Variants in COL24A1 observed in about 807,000 individuals in gnomAD.
COL24A1 encodes collagen alpha-1(XXIV) chain.
A neutral mutation model predicts 253.9 loss-of-function variants in COL24A1; 224 were observed. The observed-to-expected ratio is 0.88, with a 90% CI of 0.79 to 0.99. The LOEUF (loss-of-function observed/expected upper bound fraction) is 0.99, where lower values mean the gene tolerates loss of function less well. COL24A1 is among the 50% of genes least tolerant of loss of function. The pLI is 0.00. For synonymous variants in COL24A1, 685 were observed against 673.7 expected (o/e 1.02, Z -0.26); for missense variants, 2,131 against 2,068.5 (o/e 1.03, Z -0.59).
intron 12 of COL24A1, among the ~76,000 whole-genome samples, chr1:86,035,061 T>G (rs1351436644): frequency 6.6e-6 from 1 of 152,198 alleles, no homozygotes; most frequent in Non-Finnish European, 1.5e-5. Flanking sequence ...ATGAATAGGT[T>G]AAACTTAAAA....
At position 86,110,032 on chromosome 1, in the gene COL24A1, G is replaced by A. The variant is rs540515874; in HGVS notation, c.1599+2535C>T. Among the ~76,000 whole-genome samples, 6 of 152,206 alleles carry A rather than the reference G, an allele frequency of 3.9e-5. No homozygotes were observed. The South Asian group carries it at 1.2e-3, about 32-fold the overall frequency. ...TGGACTTCCCAGGCTCCAGAACTGT[G>A]TGAACTGTGAGAAATAAATTTCTGT... On this transcript the variant is annotated intron_variant, in intron 5 of 59. Transcript: ENST00000370571.
intron 7 of COL24A1, among the ~76,000 whole-genome samples, chr1:86,078,058 A>ACT (rs1179699279): frequency 1.3e-5 from 2 of 152,080 alleles, no homozygotes; most frequent in African/African-American, 2.4e-5. Flanking sequence ...TCAACAAAAT[A>ACT]CTCACAAACT....
At chr1:85,978,373 C>T (rs1346705284) in intron 20 of COL24A1, among the ~76,000 whole-genome samples, 3 of 151,896 alleles carry the variant, frequency 2.0e-5, no homozygotes, top group African/African-American at 4.8e-5. Context: ...AAAATGGTAC[C>T]TCACATCTCA....
intron 28 of COL24A1, among the ~76,000 whole-genome samples, chr1:85,899,385 A>G (rs779934558): frequency 6.6e-6 from 1 of 152,202 alleles, no homozygotes; most frequent in Non-Finnish European, 1.5e-5. Context: ...TATTTCTTTG[A>G]TATTTTATTA....
At chr1:85,843,207 T>A (rs1017937307) in intron 39 of COL24A1, among the ~76,000 whole-genome samples, 4 of 152,206 alleles carry the variant, frequency 2.6e-5, no homozygotes, top group African/African-American at 9.6e-5. Context: ...ATTTCCCATT[T>A]AATCATAGTG....
chr1:85,858,652 CT>C (rs1678764200), intron 37 of COL24A1, among the ~76,000 whole-genome samples: 1 of 148,872 alleles, frequency 6.7e-6, no homozygotes, highest in Admixed American at 6.8e-5. Context: ...TCCTTCCTTC[CT>C]TCCTTCCTTC....
intron 2 of COL24A1, among the ~76,000 whole-genome samples, chr1:86,134,943 T>C (rs1247864227): frequency 6.6e-6 from 1 of 151,350 alleles, no homozygotes; most frequent in Non-Finnish European, 1.5e-5. Context: ...AATGCTGACA[T>C]TGGGGTGTTA....
In COL24A1 at chr1:85,907,096, A is replaced by C. The variant is rs190349582; in HGVS notation, c.2778+98T>G. The stretch of plus-strand genomic sequence containing the variant: ...AAAAAACCTGACAAGATCTAAGCAG[A>C]ATTCTAGAAGGTATGATGCTATTTT... On this transcript the variant is annotated intron_variant, in intron 28 of 59. Coordinates refer to ENST00000370571, the MANE Select transcript of COL24A1 (RefSeq NM_152890.7). 3.5e-4 allele frequency: 325 copies of C among 916,818 alleles called. No homozygotes were observed. The East Asian group carries it at 6.0e-3, about 17-fold the overall frequency. 56.8% of individuals were successfully genotyped at this position (916,818 alleles called of 1,614,324 possible).
intron 2 of COL24A1, among the ~76,000 whole-genome samples, chr1:86,139,535 T>C (rs1197978262): frequency 6.6e-6 from 1 of 152,206 alleles, no homozygotes; most frequent in Non-Finnish European, 1.5e-5. Context: ...TCTTAGTAAT[T>C]GGTAGTTTAA....
At chr1:85,869,082 A>C (rs765908369) in intron 35 of COL24A1, among the ~76,000 whole-genome samples, 11 of 152,210 alleles carry the variant, frequency 7.2e-5, no homozygotes, top group Non-Finnish European at 1.3e-4. Flanking sequence ...AATATTAATA[A>C]ATTTTAGATA....
intron 28 of COL24A1, among the ~76,000 whole-genome samples, chr1:85,900,593 C>G (rs191254363): frequency 2.0e-5 from 3 of 151,960 alleles, no homozygotes; most frequent in South Asian, 2.1e-4. Context: ...GTGATATGAT[C>G]GCGTCACTGC....
At chr1:85,737,712 G>T (rs906221382) in intron 57 of COL24A1, among the ~76,000 whole-genome samples, 5 of 151,800 alleles carry the variant, frequency 3.3e-5, no homozygotes, top group African/African-American at 1.2e-4. Context: ...TACAGGAATG[G>T]GCCACCACAC....
chr1:85,871,728 A>G (rs1275965104), intron 35 of COL24A1, among the ~76,000 whole-genome samples: 1 of 152,170 alleles, frequency 6.6e-6, no homozygotes, highest in African/African-American at 2.4e-5. Flanking sequence ...TGACAAACCC[A>G]CAGCCAATAT....
intron 19 of COL24A1, among the ~76,000 whole-genome samples, chr1:86,015,449 A>C (rs913971173): frequency 6.6e-5 from 10 of 152,168 alleles, no homozygotes; most frequent in African/African-American, 2.2e-4. Flanking sequence ...TTAGAAGACC[A>C]AGTAGTAAGT....
intron 59 of COL24A1, among the ~76,000 whole-genome samples, chr1:85,731,981 A>G (rs1264746590): frequency 6.6e-6 from 1 of 152,138 alleles, no homozygotes; most frequent in Non-Finnish European, 1.5e-5. Context: ...AAAAAACTAA[A>G]AAACAGAAGG....
At chr1:85,958,628 A>G (rs1459310970) in intron 24 of COL24A1, among the ~76,000 whole-genome samples, 1 of 152,154 alleles carries the variant, frequency 6.6e-6, no homozygotes, top group African/African-American at 2.4e-5. Context: ...GCCTACATTA[A>G]ACCAAAAGCT....
chr1:85,774,986 CT>C (rs1336931119), intron 53 of COL24A1, among the ~76,000 whole-genome samples: 1 of 152,088 alleles, frequency 6.6e-6, no homozygotes, highest in Non-Finnish European at 1.5e-5. Context: ...TAGATCTTTC[CT>C]GCTTTCTCTC....
chr1:86,119,502 A>T (rs2102219729), intron 3 of COL24A1, among the ~76,000 whole-genome samples: 1 of 152,266 alleles, frequency 6.6e-6, no homozygotes, highest in Admixed American at 6.5e-5. Flanking sequence ...CTCTGGTGAG[A>T]GGGGACAAAA....
chr1:85,960,176 AAT>A (rs142244328), intron 24 of COL24A1, among the ~76,000 whole-genome samples: 38,906 of 151,982 alleles, frequency 0.26, 5,041 homozygotes, highest in Non-Finnish European at 0.28. Flanking sequence ...CAAGATTTAT[AAT>A]TAATTATTTA....
Sources: allele counts gnomAD v4.1 joint callset (sites outside exome capture counted in the v4.1 genomes callset), GRCh38; gene constraint gnomAD v4.1.1; transcripts MANE v1.5; gene names NCBI Gene and HGNC (gene_info 2026-07-23, HGNC 2026-07-21).